The following ELF2 variants were observed in gnomAD, a reference collection of about 807,000 sequenced individuals.
ELF2 encodes the protein E74 like ETS transcription factor 2, also known as ETS-related transcription factor Elf-2.
Under a neutral mutation model 54.8 loss-of-function variants are expected in ELF2, and 11 were observed. The observed-to-expected ratio is 0.20, with a 90% confidence interval of 0.13 to 0.33. ELF2 has a LOEUF of 0.33. Among genes scored for constraint, ELF2 ranks in the 10% least tolerant of loss-of-function variants. ELF2 has a pLI of 1.00. For synonymous variants in ELF2, 203 were observed against 245.1 expected (o/e 0.83, Z 1.61); for missense variants, 513 against 703.0 (o/e 0.73, Z 3.06).
intron 4 of ELF2, among the ~76,000 whole-genome samples, chr4:139,078,791 A>T (rs1474264100): frequency 1.3e-5 from 2 of 152,166 alleles, no homozygotes; most frequent in Non-Finnish European, 2.9e-5. Context: ...ATCTGAGGAC[A>T]CTTTTACACT....
At chr4:139,158,435 G>A (rs1740766590) in intron 1 of ELF2, among the ~76,000 whole-genome samples, 1 of 152,072 alleles carries the variant, frequency 6.6e-6, no homozygotes, top group South Asian at 2.1e-4. Flanking sequence ...AAGTGTTGGG[G>A]CAGCGAAAAT....
intron 7 of ELF2, among the ~76,000 whole-genome samples, chr4:139,064,034 C>T (rs1362239498): frequency 2.6e-5 from 4 of 152,138 alleles, no homozygotes; most frequent in Non-Finnish European, 5.9e-5. Context: ...GAAGGCTGGA[C>T]GAGGTGGCTC....
rs544715688 is a variant in ELF2, at chr4:139,097,063, T to C, written c.239-23496A>G. Among the ~76,000 whole-genome samples the C allele has an allele frequency of 1.5e-3, 221 of 152,352 alleles. 1 individual carries two copies. The highest frequency in any genetic ancestry group is 6.8e-3 in the Middle Eastern group (2 of 294). On this transcript the variant is annotated intron_variant, in intron 4 of 9. Coordinates refer to ENST00000686138, the MANE Select transcript of ELF2 (RefSeq NM_001331036.3). ...ATTCTGTTGGTCCTATATTAACATG[T>C]AGATTTAGGTATATGCTCATTATAT...
chr4:139,174,904 C>A (rs1333523063), intron 1 of ELF2, among the ~76,000 whole-genome samples: 5 of 152,190 alleles, frequency 3.3e-5, no homozygotes, highest in African/African-American at 1.2e-4. Context: ...CAGGCACAAG[C>A]CACTGCACCC....
At position 139,118,835 on chromosome 4, in the gene ELF2, G is replaced by GCA. The variant is rs536035489; in HGVS notation, c.238+6327_238+6328dup. Among the ~76,000 whole-genome samples, 5 of 152,238 alleles carry GCA rather than the reference G, an allele frequency of 3.3e-5. No individual in the cohort carries two copies. The East Asian group carries it at 9.6e-4, about 29-fold the overall frequency. ...TGAAGTTAAAGAAACTCTGTCACAA[G>GCA]CACTGTGCTTTATGTATTTATTTTA... is the stretch of plus-strand genomic sequence containing the variant. On this transcript the variant is annotated intron_variant, in intron 4 of 9. Transcript: ENST00000686138.
chr4:139,115,273 G>A lies in ELF2; in HGVS notation c.238+9891C>T, dbSNP rs544243469. ...GCCCGGGCCCTCTCCTGCGGTCCCG[G>A]GGGGGGCTCTGAAAGTAGACGCGTG... On this transcript the variant is annotated intron_variant, in intron 4 of 9. Transcript: ENST00000686138. 138 of 1,602,068 alleles carry A rather than the reference G, an allele frequency of 8.6e-5. No homozygotes were observed. The African/African-American group carries it at 1.7e-3, about 19-fold the overall frequency.
At chr4:139,128,399 C>T (rs971808300) in intron 3 of ELF2, among the ~76,000 whole-genome samples, 1 of 152,150 alleles carries the variant, frequency 6.6e-6, no homozygotes, top group Non-Finnish European at 1.5e-5. Flanking sequence ...TTTAACTGAT[C>T]GATCGAGACG....
intron 1 of ELF2, 74 bp from the exon 2 acceptor site, chr4:139,139,571 T>C (rs1426792314): frequency 2.1e-5 from 16 of 772,036 alleles, no homozygotes; most frequent in African/African-American, 2.0e-4. Context: ...ACAGATGTGA[T>C]TGAGATAGTA....
chr4:139,080,070 T>A (rs1185102791), intron 4 of ELF2, among the ~76,000 whole-genome samples: 1 of 152,170 alleles, frequency 6.6e-6, no homozygotes, highest in African/African-American at 2.4e-5. Flanking sequence ...TTTAAACAAT[T>A]ATCAAACATG....
chr4:139,060,213 A>G, intron 9 of ELF2, 111 bp downstream of exon 9: 1 of 980,970 alleles, frequency 1.0e-6, no homozygotes, highest in Non-Finnish European at 1.5e-6. Context: ...CAAAGTCCTG[A>G]CAACACTGGG....
At position 139,059,419 on chromosome 4, in the gene ELF2, C is replaced by A; in HGVS notation, c.1346G>T (p.Gly449Val). ...PTVMPASTEN[G>V]DKITMQPAKI... is the part of the protein sequence containing the mutation. ...GGCAGGCTGCATGGTGATTTTGTCT[C>A]CATTTTCAGTAGAAGCTGGCATCAC... is the stretch of plus-strand genomic sequence containing the variant. The change falls in exon 10 of 10, where the codon GGA becomes GTA. Residue 449 changes from glycine (G) to valine (V), a missense_variant. This residue lies in a region of ELF2 where 291 missense variants were observed against 366.1 expected (regional missense o/e 0.79). Coordinates refer to ENST00000686138, the MANE Select transcript of ELF2 (RefSeq NM_001331036.3). The A allele has an allele frequency of 6.2e-7, 1 of 1,613,950 alleles. No individual in the cohort carries two copies. Among genetic ancestry groups the A allele is most frequent in the Non-Finnish European group, 8.5e-7 (1 of 1,179,852 alleles).
intron 4 of ELF2, among the ~76,000 whole-genome samples, chr4:139,122,430 T>TATC (rs1736459067): frequency 1.3e-5 from 2 of 152,260 alleles, no homozygotes; most frequent in South Asian, 4.1e-4. Context: ...ATGCCCTAGA[T>TATC]ATCAGAAGAA....
chr4:139,073,408 T>C (rs777309628), intron 5 of ELF2, 46 bp downstream of exon 5: 8 of 1,381,776 alleles, frequency 5.8e-6, no homozygotes, highest in Non-Finnish European at 8.0e-6. Context: ...TTTAGACATA[T>C]GAAGTAGTAT....
At chr4:139,158,825 GCT>G (rs1740806143) in intron 1 of ELF2, among the ~76,000 whole-genome samples, 2 of 152,156 alleles carry the variant, frequency 1.3e-5, no homozygotes, top group Non-Finnish European at 1.5e-5. Context: ...AAGTCTTTGG[GCT>G]CTATTCTTGA....
rs1727253414 is a variant in ELF2, at chr4:139,057,927, T to C, written c.*1056A>G. On this transcript the variant is annotated 3_prime_UTR_variant, in exon 10 of 10. Transcript: ENST00000686138. The stretch of plus-strand genomic sequence containing the variant: ...ACTTTGAAACAAGAGTACAACAAAA[T>C]AGAATATACTTCAAATGTTGAATAT... 6.6e-6 allele frequency: 1 copy of C among 152,432 alleles called. No individual in the cohort carries two copies. The highest frequency in any genetic ancestry group is 1.5e-5 in the Non-Finnish European group (1 of 67,986). The allele number at this position is 152,432 out of a possible 1,614,324, so 9.4% of individuals were successfully genotyped here.
At chr4:139,164,066 G>C (rs1741450179) in intron 1 of ELF2, among the ~76,000 whole-genome samples, 1 of 149,008 alleles carries the variant, frequency 6.7e-6, no homozygotes, top group South Asian at 2.2e-4. Context: ...GAAAGAGTGG[G>C]GGTGAGAGAG....
chr4:139,167,186 T>G (rs1741813503), intron 1 of ELF2, among the ~76,000 whole-genome samples: 2 of 152,238 alleles, frequency 1.3e-5, no homozygotes, highest in Non-Finnish European at 2.9e-5. Context: ...GCTCTCTTTA[T>G]AACAGGATAC....
intron 4 of ELF2, among the ~76,000 whole-genome samples, chr4:139,104,618 C>T (rs1734241260): frequency 6.6e-6 from 1 of 151,938 alleles, no homozygotes; most frequent in Admixed American, 6.6e-5. Context: ...CAAATCATAA[C>T]CAATTACTGC....
chr4:139,099,996 T>A (rs927083424), intron 4 of ELF2, among the ~76,000 whole-genome samples: 2 of 152,122 alleles, frequency 1.3e-5, no homozygotes, highest in Admixed American at 1.3e-4. Context: ...GAACACCCTG[T>A]GGAGGTCAAG....
Sources: allele counts gnomAD v4.1 joint callset (sites outside exome capture counted in the v4.1 genomes callset), GRCh38; gene constraint gnomAD v4.1.1; regional missense constraint gnomAD v4.1.1; transcripts MANE v1.5; gene names NCBI Gene and HGNC (gene_info 2026-07-23, HGNC 2026-07-21).